Variants in OTOF observed in about 807,000 individuals in gnomAD.
The protein encoded by OTOF is otoferlin.
A neutral mutation model predicts 236.8 loss-of-function variants in OTOF; 218 were observed. The ratio of observed to expected loss-of-function variants is 0.92; its 90% CI spans 0.82 to 1.03. The LOEUF (loss-of-function observed/expected upper bound fraction) is 1.03. Among genes scored for constraint, OTOF ranks in the 50% least tolerant of loss-of-function variants. The pLI, the probability that OTOF is intolerant of heterozygous loss-of-function variation, is 0.00. For synonymous variants in OTOF, 1,041 were observed against 1,072.5 expected (o/e 0.97, Z 0.57); for missense variants, 2,590 against 2,694.4 (o/e 0.96, Z 0.86).
intron 8 of OTOF, among the ~76,000 whole-genome samples, chr2:26,497,919 A>G (rs1033851349): frequency 5.9e-5 from 9 of 152,218 alleles, no homozygotes; most frequent in African/African-American, 2.2e-4. Flanking sequence ...AACTTCCACG[A>G]ACCCTTTTTT....
At chr2:26,529,175 T>C (rs969170668) in intron 2 of OTOF, among the ~76,000 whole-genome samples, 1 of 152,146 alleles carries the variant, frequency 6.6e-6, no homozygotes, top group African/African-American at 2.4e-5. Context: ...GATGCCAGAC[T>C]GGAGTAGGAA....
At chr2:26,475,534 G>GC (rs1558482190) in intron 24 of OTOF, 41 bp from the exon 25 acceptor site, 1 of 1,605,348 alleles carries the variant, frequency 6.2e-7, no homozygotes, top group South Asian at 1.1e-5. Context: ...AGTGACAGAG[G>GC]GGGGGGCAGA....
chr2:26,523,213 C>T (rs544444335), intron 3 of OTOF, among the ~76,000 whole-genome samples: 1 of 152,374 alleles, frequency 6.6e-6, no homozygotes, highest in South Asian at 2.1e-4. Context: ...ACAGGCAGAG[C>T]TGGATGCACA....
At chr2:26,463,429 G>T in intron 41 of OTOF, 54 bp downstream of exon 41, 1 of 1,417,068 alleles carries the variant, frequency 7.1e-7, no homozygotes, top group Non-Finnish European at 9.8e-7. Flanking sequence ...GGCCGTGGTG[G>T]GAAGTGGGTG....
intron 1 of OTOF, among the ~76,000 whole-genome samples, chr2:26,546,072 C>T (rs1667322359): frequency 6.6e-6 from 1 of 152,136 alleles, no homozygotes; most frequent in African/African-American, 2.4e-5. Context: ...ATAACATAAA[C>T]AGCCAATTAA....
rs1036402410 is a variant in OTOF at position 26,462,320 on chromosome 2, G to A, written c.5193-139C>T. The A allele has an allele frequency of 2.7e-5, 21 of 766,376 alleles. No homozygotes were observed. The highest frequency in any genetic ancestry group is 4.1e-5 in the Non-Finnish European group (18 of 436,876). The allele number at this position is 766,376 out of a possible 1,614,324, so 47.5% of individuals were successfully genotyped here. On this transcript the variant is annotated intron_variant, in intron 41 of 46. Coordinates refer to ENST00000272371, the MANE Select transcript of OTOF (RefSeq NM_194248.3). This position sits in a 1 kb window ranked among gnomAD's most constrained non-coding sequence, Gnocchi z 4.7. ...GGCCTGGGCCAGGCTGGGGCTGGAG[G>A]AGTGGTTTGGGGTTGGGGGAGCAGA... is the stretch of plus-strand genomic sequence containing the variant.
chr2:26,472,258 T>C, intron 30 of OTOF: 2 of 522,186 alleles, frequency 3.8e-6, no homozygotes, highest in South Asian at 3.9e-5. Flanking sequence ...ATCACATGCA[T>C]GCACACACAC....
chr2:26,518,695 C>G (rs1295741547), intron 4 of OTOF, among the ~76,000 whole-genome samples: 1 of 152,256 alleles, frequency 6.6e-6, no homozygotes, highest in Non-Finnish European at 1.5e-5. Context: ...CTCAGTCTGG[C>G]CTTTGGATGA....
At chr2:26,535,470 C>G (rs1667047226) in intron 2 of OTOF, among the ~76,000 whole-genome samples, 1 of 152,174 alleles carries the variant, frequency 6.6e-6, no homozygotes. Flanking sequence ...AGTCATTCTG[C>G]ATCCTTGCTC....
chr2:26,466,995 T>C, intron 35 of OTOF, 104 bp downstream of exon 35: 1 of 1,565,620 alleles, frequency 6.4e-7, no homozygotes, highest in South Asian at 1.1e-5. Context: ...GTCCAGGGCT[T>C]CTGGAGGCAG....
rs397515583 is a variant in OTOF at position 26,480,987 on chromosome 2, TG to T, written c.1601del (p.Pro534GlnfsTer4). On this transcript the variant is annotated frameshift_variant, in exon 15 of 47. Coordinates refer to ENST00000272371, the MANE Select transcript of OTOF (RefSeq NM_194248.3). LOFTEE classifies it high-confidence loss of function. ...TGGAGCCGTACATGTTCACCCAGGC[TG>T]GGCCCAGTGTGGGCAGGAAGCCTGT... ...GDKGFLPTLG[P>X]AWVNMYGSTR... 4.3e-6 allele frequency: 7 copies of T among 1,612,928 alleles called. No homozygotes were observed. The highest frequency in any genetic ancestry group is 5.9e-6 in the Non-Finnish European group (7 of 1,179,964).
At chr2:26,488,827 T>C (rs1665762904) in intron 11 of OTOF, among the ~76,000 whole-genome samples, 1 of 152,254 alleles carries the variant, frequency 6.6e-6, no homozygotes, top group South Asian at 2.1e-4. Flanking sequence ...GGCAGGAGTC[T>C]GGGCGCAGCC....
At chr2:26,530,178 A>G (rs544258289) in intron 2 of OTOF, among the ~76,000 whole-genome samples, 21 of 152,138 alleles carry the variant, frequency 1.4e-4, no homozygotes, top group Non-Finnish European at 2.9e-4. Context: ...GGAGAGAAAG[A>G]TCAGGAGAAA....
At chr2:26,475,534 G>A (rs556992358) in intron 24 of OTOF, 41 bp from the exon 25 acceptor site, 17 of 1,605,230 alleles carry the variant, frequency 1.1e-5, no homozygotes, top group East Asian at 2.2e-5. Flanking sequence ...AGTGACAGAG[G>A]GGGGGGCAGA....
In OTOF at chr2:26,482,819, G is replaced by A. The variant is rs58099956; in HGVS notation, c.1393-227C>T. ...GATGCATGTGTGTGTATGAGTGGGT[G>A]CATGTGTGCGTGAGTGGGTGCATGT... On this transcript the variant is annotated intron_variant, in intron 13 of 46. Transcript: ENST00000272371. 0.013 allele frequency among the ~76,000 whole-genome samples: 1,919 copies of A among 151,058 alleles called. 44 individuals are homozygous for A. Among genetic ancestry groups the A allele is most frequent in the African/African-American group, 0.044 (1,796 of 40,924 alleles).
chr2:26,464,900 G>A lies in OTOF; in HGVS notation c.4929C>T (p.Phe1643=). The A allele has an allele frequency of 6.2e-6, 10 of 1,600,958 alleles. No homozygotes were observed. The highest frequency in any genetic ancestry group is 8.5e-6 in the Non-Finnish European group (10 of 1,173,386). ...CGTCCTCAATCTCAGAGGGCCCAGT[G>A]AAGACGCGGTTGGCCACCTTCACTC... The part of the protein sequence containing the change: ...PGRVKVANRV[F]TGPSEIEDEN... Residue 1643 remains phenylalanine (F), a synonymous_variant, in exon 39 of 47, where the codon TTC becomes TTT. Coordinates refer to ENST00000272371, the MANE Select transcript of OTOF (RefSeq NM_194248.3).
chr2:26,491,257 G>T (rs1665834387), intron 9 of OTOF, among the ~76,000 whole-genome samples: 1 of 152,158 alleles, frequency 6.6e-6, no homozygotes, highest in South Asian at 2.1e-4. Context: ...TGTCCTTGGT[G>T]ACCTTGAGGA....
chr2:26,488,630 A>G (rs932516479), intron 11 of OTOF, among the ~76,000 whole-genome samples: 1 of 152,254 alleles, frequency 6.6e-6, no homozygotes, highest in Admixed American at 6.5e-5. Flanking sequence ...ATTGACCAGC[A>G]TCACCGCTTT....
chr2:26,524,206 A>C (rs1666746549), intron 3 of OTOF, among the ~76,000 whole-genome samples: 1 of 152,202 alleles, frequency 6.6e-6, no homozygotes. Flanking sequence ...TCTTATTGGC[A>C]CTTAAGAACA....
Sources: gnomAD v4.1 joint callset for allele counts (sites outside exome capture counted in the v4.1 genomes callset) on GRCh38, gnomAD v4.1.1 for gene constraint, Gnocchi (gnomAD v3.1) non-coding constraint, MANE v1.5 for transcripts, NCBI Gene and HGNC (gene_info 2026-07-23, HGNC 2026-07-21) for gene names.